KMT2E: variants seen among roughly 807,000 people sequenced by gnomAD.
KMT2E encodes the protein histone reader KMT2E.
A neutral mutation model predicts 184.6 loss-of-function variants in KMT2E; 30 were observed. That is an observed-to-expected ratio of 0.16 (90% CI 0.12 to 0.22). The LOEUF is 0.22. KMT2E is among the 10% of genes least tolerant of loss of function. The pLI, the probability that KMT2E is intolerant of heterozygous loss-of-function variation, is 1.00. For synonymous variants in KMT2E, 815 were observed against 776.5 expected (o/e 1.05, Z -0.82); for missense variants, 2,023 against 2,237.4 (o/e 0.90, Z 1.93).
At position 105,102,104 on chromosome 7, in the gene KMT2E, AGAAACT is replaced by A. The variant is rs1798679999; in HGVS notation, c.2114_2119del (p.Glu705_Thr706del). 6.2e-7 allele frequency: 1 copy of A among 1,613,354 alleles called. No homozygotes were observed. The highest frequency in any genetic ancestry group is 1.3e-5 in the African/African-American group (1 of 74,928). ...AAAATACTGTACTTACAATAGAACC[AGAAACT>A]GAAACTGCACTAGCAGAAATAATTA... On this transcript the variant is annotated inframe_deletion, in exon 17 of 27. Transcript: ENST00000311117.
chr7:105,017,974 A>T (rs1229041558), intron 1 of KMT2E, among the ~76,000 whole-genome samples: 2 of 152,162 alleles, frequency 1.3e-5, no homozygotes, highest in African/African-American at 4.8e-5. Context: ...ATATGCCCCC[A>T]GTAAGCTCTA....
intron 16 of KMT2E, 43 bp from the exon 17 acceptor site, chr7:105,101,843 A>G: frequency 7.1e-7 from 1 of 1,412,848 alleles, no homozygotes; most frequent in Non-Finnish European, 9.7e-7. Context: ...AACTTTATAT[A>G]TATGTAGTAT....
Position 105,109,202 on chromosome 7 carries a change from T to A in KMT2E, c.3729T>A (p.Ser1243Arg), listed in dbSNP as rs1799060392. Residue 1243 changes from serine to arginine, a missense_variant, in exon 23 of 27, where the codon AGT becomes AGA. By Grantham distance (110) the Ser-to-Arg change is moderately radical (BLOSUM62 -1). This residue lies in a region of KMT2E where 1,108 missense variants were observed against 1,050.9 expected (regional missense o/e 1.05). Coordinates refer to ENST00000311117, the MANE Select transcript of KMT2E (RefSeq NM_182931.3). ...NNCPVKDATA[S>R]EKNEPEVQWT... Reference sequence around the variant, plus strand: ...GCCCTGTTAAGGATGCTACTGCTAGTGAGAAGAATGAACCAGAAGTTCAAT... The same window carrying A: ...GCCCTGTTAAGGATGCTACTGCTAGAGAGAAGAATGAACCAGAAGTTCAAT... 1 of 1,613,820 alleles carries A rather than the reference T, an allele frequency of 6.2e-7. No homozygotes were observed. The highest frequency in any genetic ancestry group is 1.3e-5 in the African/African-American group (1 of 74,928).
intron 1 of KMT2E, among the ~76,000 whole-genome samples, chr7:105,026,858 A>T (rs1460138221): frequency 6.6e-6 from 1 of 152,170 alleles, no homozygotes; most frequent in Non-Finnish European, 1.5e-5. Flanking sequence ...GACATAGCTT[A>T]AAATTTCACT....
chr7:105,078,222 A>C (rs150618619), intron 11 of KMT2E, among the ~76,000 whole-genome samples: 2 of 152,226 alleles, frequency 1.3e-5, no homozygotes, highest in Admixed American at 6.5e-5. Flanking sequence ...AAAGACATCA[A>C]ATTAATCTTG....
chr7:105,095,426 G>T (rs577036779), intron 15 of KMT2E, among the ~76,000 whole-genome samples: 2 of 152,194 alleles, frequency 1.3e-5, no homozygotes, highest in African/African-American at 4.8e-5. Context: ...TGGGATTATA[G>T]GCTGTTTTTG....
At chr7:105,041,950 C>G (rs574171046) in intron 3 of KMT2E, among the ~76,000 whole-genome samples, 1 of 151,988 alleles carries the variant, frequency 6.6e-6, no homozygotes, top group African/African-American at 2.4e-5. Context: ...TTTTTGTATT[C>G]AAAAGCCTGC....
chr7:105,070,357 G>A (rs773766364), intron 6 of KMT2E, among the ~76,000 whole-genome samples: 2 of 152,102 alleles, frequency 1.3e-5, no homozygotes, highest in Non-Finnish European at 2.9e-5. Flanking sequence ...TTGGTTGGGC[G>A]CAGTGGCTCA....
At chr7:105,072,348 A>G (rs904542354) in intron 6 of KMT2E, among the ~76,000 whole-genome samples, 2 of 152,118 alleles carry the variant, frequency 1.3e-5, no homozygotes, top group African/African-American at 4.8e-5. Context: ...AAAAAACAAA[A>G]AAACTTACCA....
At position 105,113,400 on chromosome 7, in the gene KMT2E, T is replaced by G. The variant is rs148539258; in HGVS notation, c.*67T>G. On this transcript the variant is annotated 3_prime_UTR_variant, in exon 27 of 27. Coordinates refer to ENST00000311117, the MANE Select transcript of KMT2E (RefSeq NM_182931.3). Reference sequence around the variant, plus strand: ...AACTGTATATTTCATATGTACCTGTTAAGGTACTTTTTAAAGCTTGTACAT... The same window carrying G: ...AACTGTATATTTCATATGTACCTGTGAAGGTACTTTTTAAAGCTTGTACAT... The G allele has an allele frequency of 6.9e-7, 1 of 1,451,832 alleles. No homozygotes were observed. The highest frequency in any genetic ancestry group is 1.4e-5 in the African/African-American group (1 of 70,272). 89.9% of individuals were successfully genotyped at this position (1,451,832 alleles called of 1,614,324 possible). A position where few individuals can be genotyped will look rare whatever the true frequency, so the allele number is the denominator to read the frequency against.
rs540573606 is a variant in KMT2E, at chr7:105,059,974, T to G, written c.72-2190T>G. Among the ~76,000 whole-genome samples, 11 of 129,552 alleles carry G rather than the reference T, an allele frequency of 8.5e-5. No individual in the cohort carries two copies. The South Asian group carries it at 2.7e-3, about 32-fold the overall frequency. The allele number at this position is 129,552 out of a possible 152,430, so 85.0% of individuals were successfully genotyped here. A position where few individuals can be genotyped will look rare whatever the true frequency, so the allele number is the denominator to read the frequency against. ...ATTAGCTGAATATTGATTTTCTTGT[T>G]GTTGTTTTTTTTTTTTTTTTTTTTT... On this transcript the variant is annotated intron_variant, in intron 3 of 26. Transcript: ENST00000311117.
At chr7:105,032,395 G>T (rs1795459588) in intron 1 of KMT2E, among the ~76,000 whole-genome samples, 1 of 152,080 alleles carries the variant, frequency 6.6e-6, no homozygotes. Context: ...AGTGAGCAGA[G>T]ATCGCACCAC....
chr7:105,059,557 A>T (rs1435241800), intron 3 of KMT2E, among the ~76,000 whole-genome samples: 1 of 152,222 alleles, frequency 6.6e-6, no homozygotes, highest in East Asian at 1.9e-4. Context: ...TTGCAGTAGT[A>T]CTTTTAATAG....
chr7:105,105,567 A>G lies in KMT2E; in HGVS notation c.2325A>G (p.Pro775=), dbSNP rs745335693. The G allele has an allele frequency of 5.6e-6, 9 of 1,614,132 alleles. No homozygotes were observed. Among genetic ancestry groups the G allele is most frequent in the Admixed American group, 3.3e-5 (2 of 60,020 alleles). The change falls in exon 18 of 27, where the codon CCA becomes CCG. Residue 775 remains proline (P), a synonymous_variant. Coordinates refer to ENST00000311117, the MANE Select transcript of KMT2E (RefSeq NM_182931.3). Reference sequence around the variant, plus strand: ...TAGCTACACAACTCAATTCTTTACCAGGTCTCACTTACAGCCCCCATGTAT... The same window carrying G: ...TAGCTACACAACTCAATTCTTTACCGGGTCTCACTTACAGCCCCCATGTAT... ...EVLATQLNSL[P]GLTYSPHVYS...
At chr7:105,101,764 TTATTA>T (rs1276125232) in intron 16 of KMT2E, 117 bp from the exon 17 acceptor site, 22 of 993,740 alleles carry the variant, frequency 2.2e-5, no homozygotes, top group Non-Finnish European at 2.6e-5. Context: ...TCTCTGTTCT[TTATTA>T]TATATCAGAA....
chr7:105,039,071 A>T (rs1386053257), intron 2 of KMT2E: 1 of 152,216 alleles, frequency 6.6e-6, no homozygotes, highest in African/African-American at 2.4e-5. Flanking sequence ...TTGATTATAC[A>T]GGGTGATAGT....
intron 4 of KMT2E, 55 bp from the exon 5 acceptor site, chr7:105,063,296 T>A (rs1459520741): frequency 7.9e-7 from 1 of 1,271,890 alleles, no homozygotes; most frequent in African/African-American, 1.5e-5. Context: ...TTGCTTGGTT[T>A]ATATCATTGT....
intron 15 of KMT2E, chr7:105,091,606 C>A (rs1472327925): frequency 1.0e-5 from 5 of 499,792 alleles, no homozygotes; most frequent in Non-Finnish European, 1.1e-5. Flanking sequence ...TTTAATGCCA[C>A]AATTACTGTT....
At chr7:105,064,299 G>T (rs1054230593) in intron 5 of KMT2E, among the ~76,000 whole-genome samples, 2 of 149,144 alleles carry the variant, frequency 1.3e-5, no homozygotes, top group South Asian at 2.1e-4. Context: ...GAGTACTTAC[G>T]CAGTGCATTG....
Sources: allele counts gnomAD v4.1 joint callset (sites outside exome capture counted in the v4.1 genomes callset), GRCh38; gene constraint gnomAD v4.1.1; regional missense constraint gnomAD v4.1.1; transcripts MANE v1.5; gene names NCBI Gene and HGNC (gene_info 2026-07-23, HGNC 2026-07-21).